Variants in LRP6 observed in about 807,000 individuals in gnomAD.
LRP6 encodes LDL receptor related protein 6, also known as low-density lipoprotein receptor-related protein 6.
A neutral mutation model predicts 184.1 loss-of-function variants in LRP6; 43 were observed. The observed-to-expected ratio is 0.23, with a 90% CI of 0.18 to 0.30. The LOEUF is 0.30. Ranked by LOEUF, LRP6 falls within the 10% of genes least tolerant of loss-of-function variation. The pLI, the probability that LRP6 is intolerant of heterozygous loss-of-function variation, is 1.00. For synonymous variants in LRP6, 719 were observed against 684.9 expected (o/e 1.05, Z -0.78); for missense variants, 1,571 against 2,005.3 (o/e 0.78, Z 4.14).
chr12:12,255,730 C>A (rs908100164), intron 1 of LRP6, among the ~76,000 whole-genome samples: 1 of 151,936 alleles, frequency 6.6e-6, no homozygotes, highest in African/African-American at 2.4e-5. Context: ...CCATGCCTGG[C>A]TAATTTTTTT....
chr12:12,146,459 T>C (rs1011867534), intron 15 of LRP6, among the ~76,000 whole-genome samples: 8 of 152,184 alleles, frequency 5.3e-5, no homozygotes, highest in Admixed American at 2.6e-4. Flanking sequence ...CAACACAGAC[T>C]ATATGGACAT....
intron 9 of LRP6, among the ~76,000 whole-genome samples, chr12:12,163,074 C>T (rs1037060310): frequency 1.1e-4 from 16 of 152,162 alleles, no homozygotes; most frequent in African/African-American, 3.9e-4. Context: ...CTCCCAGGTT[C>T]AAGTGATTCT....
chr12:12,157,437 T>C (rs565430473), intron 12 of LRP6, among the ~76,000 whole-genome samples: 1 of 152,244 alleles, frequency 6.6e-6, no homozygotes, highest in East Asian at 1.9e-4. Flanking sequence ...TTATCTTTAA[T>C]CTTCATAACA....
intron 1 of LRP6, among the ~76,000 whole-genome samples, chr12:12,248,247 A>G (rs1865235531): frequency 6.6e-6 from 1 of 152,132 alleles, no homozygotes; most frequent in African/African-American, 2.4e-5. Context: ...GGTTTACGCC[A>G]GGTTCCTTGC....
At chr12:12,227,669 A>G (rs558253295) in intron 2 of LRP6, among the ~76,000 whole-genome samples, 5 of 152,252 alleles carry the variant, frequency 3.3e-5, no homozygotes, top group Admixed American at 2.0e-4. Flanking sequence ...TTGGCCTCCC[A>G]AAGTGCTGAG....
At chr12:12,156,352 C>T (rs1386073433) in intron 12 of LRP6, among the ~76,000 whole-genome samples, 2 of 152,060 alleles carry the variant, frequency 1.3e-5, no homozygotes, top group Non-Finnish European at 2.9e-5. Flanking sequence ...AAACCAGCAA[C>T]GAGGCCAGTG....
chr12:12,261,351 T>C (rs574847609), intron 1 of LRP6, among the ~76,000 whole-genome samples: 30 of 147,008 alleles, frequency 2.0e-4, no homozygotes, highest in Non-Finnish European at 2.5e-4. Flanking sequence ...TGTAGTGAGC[T>C]GAGATCACGC....
intron 2 of LRP6, among the ~76,000 whole-genome samples, chr12:12,219,205 T>G (rs933963519): frequency 6.6e-6 from 1 of 152,018 alleles, no homozygotes. Flanking sequence ...CCCTTTTTGG[T>G]TTTTGTTTGT....
intron 1 of LRP6, among the ~76,000 whole-genome samples, chr12:12,254,969 CT>C (rs1865425154): frequency 6.6e-6 from 1 of 152,048 alleles, no homozygotes; most frequent in African/African-American, 2.4e-5. Flanking sequence ...AATCAGATTC[CT>C]TAAAAAAACT....
At chr12:12,180,187 T>C (rs1863308296) in intron 6 of LRP6, among the ~76,000 whole-genome samples, 1 of 151,344 alleles carries the variant, frequency 6.6e-6, no homozygotes, top group Non-Finnish European at 1.5e-5. Flanking sequence ...GATCAGTGTG[T>C]TCTAGAGCCA....
intron 2 of LRP6, among the ~76,000 whole-genome samples, chr12:12,242,200 A>C (rs936622084): frequency 1.3e-5 from 2 of 152,152 alleles, no homozygotes; most frequent in African/African-American, 4.8e-5. Context: ...TAATTATTTT[A>C]ACACTCTTCC....
chr12:12,165,617 G>C (rs1197634821), intron 7 of LRP6, among the ~76,000 whole-genome samples: 1 of 152,008 alleles, frequency 6.6e-6, no homozygotes, highest in African/African-American at 2.4e-5. Flanking sequence ...TTGCACATTT[G>C]TTTTCAAATT....
Position 12,165,289 on chromosome 12 carries a change from T to A in LRP6, c.1552A>T (p.Asn518Tyr), listed in dbSNP as rs1228771846. 1 of 1,608,772 alleles carries A rather than the reference T, an allele frequency of 6.2e-7. No individual in the cohort carries two copies. The highest frequency in any genetic ancestry group is 1.3e-5 in the African/African-American group (1 of 74,940). ...DAKTDKIEVMNTDGTGRRVLV... is the reference protein window; with the variant it reads ...DAKTDKIEVMYTDGTGRRVLV... ...ACTCGTCTCCCAGTGCCATCAGTAT[T>A]CATAACCTTCAGGTTTAAATTCAAA... Residue 518 changes from asparagine to tyrosine, a missense_variant, in exon 8 of 23, where the codon AAT becomes TAT. By Grantham distance (143) the Asn-to-Tyr change is moderately radical. Transcript: ENST00000261349.
At chr12:12,215,062 G>C (rs1006247372) in intron 2 of LRP6, among the ~76,000 whole-genome samples, 2 of 152,080 alleles carry the variant, frequency 1.3e-5, no homozygotes, top group Non-Finnish European at 2.9e-5. Flanking sequence ...CATCTTCCTG[G>C]CTGCAGCACC....
chr12:12,240,855 C>G (rs1056066174), intron 2 of LRP6, among the ~76,000 whole-genome samples: 1 of 152,140 alleles, frequency 6.6e-6, no homozygotes, highest in African/African-American at 2.4e-5. Context: ...ACATAGGAAT[C>G]ACCTCTACTC....
At chr12:12,152,939 T>C (rs913383391) in intron 12 of LRP6, among the ~76,000 whole-genome samples, 8 of 152,204 alleles carry the variant, frequency 5.3e-5, no homozygotes, top group African/African-American at 1.9e-4. Context: ...AGTTCTTCAT[T>C]AGTTAAAAAC....
In LRP6 at chr12:12,158,859, A is replaced by G; in HGVS notation, c.2761T>C (p.Ser921Pro). The change falls in exon 12 of 23, where the codon TCT becomes CCT. Residue 921 changes from serine to proline, a missense_variant. Transcript: ENST00000261349. ...CAAGTCCTGTTGTCAGCATTAAGAGAGTAGTGGGCAGGGCATCCACAAACA... is the reference window on the plus strand; with the variant it reads ...CAAGTCCTGTTGTCAGCATTAAGAGGGTAGTGGGCAGGGCATCCACAAACA... ...GFVCGCPAHY[S>P]LNADNRTCSA... 6.2e-7 allele frequency: 1 copy of G among 1,614,226 alleles called. No homozygotes were observed. Among genetic ancestry groups the G allele is most frequent in the Non-Finnish European group, 8.5e-7 (1 of 1,180,036 alleles).
chr12:12,238,993 C>G (rs1358255326), intron 2 of LRP6, among the ~76,000 whole-genome samples: 1 of 151,942 alleles, frequency 6.6e-6, no homozygotes, highest in Non-Finnish European at 1.5e-5. Flanking sequence ...AAAAAAGCAC[C>G]AAACACGGAA....
chr12:12,264,052 G>A (rs180952906), intron 1 of LRP6, among the ~76,000 whole-genome samples: 2 of 151,762 alleles, frequency 1.3e-5, no homozygotes, highest in South Asian at 2.1e-4. Context: ...GAAGCAGGAG[G>A]ATCACTTAAG....
Sources: gnomAD v4.1 joint callset for allele counts (sites outside exome capture counted in the v4.1 genomes callset) on GRCh38, gnomAD v4.1.1 for gene constraint, MANE v1.5 for transcripts, NCBI Gene and HGNC (gene_info 2026-07-23, HGNC 2026-07-21) for gene names.